The following SMURF1 variants were observed in gnomAD, a reference collection of about 807,000 sequenced individuals.
SMURF1 encodes the protein E3 ubiquitin-protein ligase SMURF1.
Under a neutral mutation model 98.0 loss-of-function variants are expected in SMURF1, and 44 were observed. The observed-to-expected ratio is 0.45, with a 90% CI of 0.35 to 0.58. SMURF1 has a LOEUF of 0.58. Ranked by LOEUF, SMURF1 falls within the 20% of genes least tolerant of loss-of-function variation. The pLI, the probability that SMURF1 is intolerant of heterozygous loss-of-function variation, is 0.00. For synonymous variants in SMURF1, 396 were observed against 374.9 expected (o/e 1.06, Z -0.65); for missense variants, 687 against 938.4 (o/e 0.73, Z 3.50).
intron 9 of SMURF1, 177 bp downstream of exon 9, chr7:99,049,386 T>TGAAGCCC: frequency 1.5e-6 from 1 of 675,072 alleles, no homozygotes; most frequent in South Asian, 1.9e-5. Context: ...TTCAGTGCTC[T>TGAAGCCC]TCACAGCTAA....
At chr7:99,063,261 A>ATGATT (rs1796095545) in intron 1 of SMURF1, among the ~76,000 whole-genome samples, 9 of 6,946 alleles carry the variant, frequency 1.3e-3, no homozygotes, top group African/African-American at 3.2e-3. Context: ...ATATATATAT[A>ATGATT]TATATATATA....
At chr7:99,043,238 A>G (rs1256455045) in intron 11 of SMURF1, among the ~76,000 whole-genome samples, 1 of 152,226 alleles carries the variant, frequency 6.6e-6, no homozygotes, top group Non-Finnish European at 1.5e-5. Context: ...CAGGCCAAAA[A>G]GAGAGGCTAC....
chr7:99,122,276 C>T lies in SMURF1; in HGVS notation c.55+21450G>A, dbSNP rs188145074. On this transcript the variant is annotated intron_variant, in intron 1 of 17. Coordinates refer to ENST00000361368, the MANE Select transcript of SMURF1 (RefSeq NM_181349.3). ...CCGGGAGGCAGAGGTTGCAGTAAGC[C>T]GAGATCGGGCCACCGCACTCCAGCC... Among the ~76,000 whole-genome samples, 345 of 149,248 alleles carry T rather than the reference C, an allele frequency of 2.3e-3. 1 individual carries two copies. The highest frequency in any genetic ancestry group is 0.011 in the Middle Eastern group (3 of 278).
chr7:99,068,124 A>C (rs952875117), intron 1 of SMURF1, among the ~76,000 whole-genome samples: 1 of 152,174 alleles, frequency 6.6e-6, no homozygotes, highest in African/African-American at 2.4e-5. Flanking sequence ...TCTTCTTCTT[A>C]TATTTCTGTG....
chr7:99,115,936 T>C (rs1462628820), intron 1 of SMURF1, among the ~76,000 whole-genome samples: 2 of 152,038 alleles, frequency 1.3e-5, no homozygotes, highest in East Asian at 1.9e-4. Flanking sequence ...AGAGGAGCCA[T>C]TTCCTAACTC....
chr7:99,137,509 G>A (rs527945017), intron 1 of SMURF1, among the ~76,000 whole-genome samples: 5 of 152,270 alleles, frequency 3.3e-5, no homozygotes, highest in East Asian at 1.9e-4. Context: ...TACAAAGAAC[G>A]CAGGCTGCCA....
chr7:99,130,761 C>G (rs567464987), intron 1 of SMURF1, among the ~76,000 whole-genome samples: 1 of 152,288 alleles, frequency 6.6e-6, no homozygotes, highest in Admixed American at 6.5e-5. Context: ...TGATTGCCCA[C>G]CTGGCATCCA....
intron 1 of SMURF1, among the ~76,000 whole-genome samples, chr7:99,065,440 C>A (rs1029141547): frequency 1.3e-5 from 2 of 152,102 alleles, no homozygotes; most frequent in African/African-American, 4.8e-5. Context: ...TGGGTGGATT[C>A]TTCGGGTATT....
chr7:99,131,129 T>C (rs1345367510), intron 1 of SMURF1, among the ~76,000 whole-genome samples: 1 of 152,176 alleles, frequency 6.6e-6, no homozygotes, highest in African/African-American at 2.4e-5. Flanking sequence ...GCTTTGCCAT[T>C]GGAATGACTT....
At chr7:99,037,604 A>ATCTC (rs1396736992) in intron 14 of SMURF1, among the ~76,000 whole-genome samples, 3 of 152,192 alleles carry the variant, frequency 2.0e-5, no homozygotes, top group Non-Finnish European at 4.4e-5. Flanking sequence ...CACTCCCCGG[A>ATCTC]TCTCTCCAAG....
At chr7:99,084,873 A>C (rs1484233399) in intron 1 of SMURF1, among the ~76,000 whole-genome samples, 3 of 152,110 alleles carry the variant, frequency 2.0e-5, no homozygotes, top group Non-Finnish European at 4.4e-5. Flanking sequence ...AGGTGATTCG[A>C]TCATGGGGGT....
intron 5 of SMURF1, among the ~76,000 whole-genome samples, chr7:99,055,376 G>A (rs1043356123): frequency 6.6e-6 from 1 of 151,986 alleles, no homozygotes; most frequent in African/African-American, 2.4e-5. Flanking sequence ...GCTGAGGCAG[G>A]AGAATTGCTT....
chr7:99,045,495 C>T, intron 11 of SMURF1: 1 of 527,820 alleles, frequency 1.9e-6, no homozygotes, highest in Non-Finnish European at 3.4e-6. Context: ...TAGGTTATGG[C>T]AAGAGGCTGG....
chr7:99,130,810 G>A lies in SMURF1; in HGVS notation c.55+12916C>T, dbSNP rs556088665. On this transcript the variant is annotated intron_variant, in intron 1 of 17. Transcript: ENST00000361368. ...CCAAACAACCCAAGTCTGTATTGTGGGTGGGACTAACCCCCTGATTAGATT... is the reference window on the plus strand; with the variant it reads ...CCAAACAACCCAAGTCTGTATTGTGAGTGGGACTAACCCCCTGATTAGATT... Among the ~76,000 whole-genome samples the A allele has an allele frequency of 2.0e-5, 3 of 152,208 alleles. No individual in the cohort carries two copies. In the East Asian group the frequency reaches 5.8e-4, roughly 29 times the overall value.
intron 5 of SMURF1, among the ~76,000 whole-genome samples, chr7:99,056,774 G>A (rs1795885091): frequency 6.6e-6 from 1 of 152,056 alleles, no homozygotes; most frequent in South Asian, 2.1e-4. Context: ...AGGCCAAGGC[G>A]GGCAGATCAC....
intron 1 of SMURF1, among the ~76,000 whole-genome samples, chr7:99,073,405 A>C (rs7810735): frequency 1.4e-5 from 2 of 147,320 alleles, no homozygotes; most frequent in East Asian, 2.0e-4. Context: ...AAAATTTGTC[A>C]CAACATTAAA....
At chr7:99,062,341 A>G (rs2150544047) in intron 1 of SMURF1, among the ~76,000 whole-genome samples, 1 of 152,296 alleles carries the variant, frequency 6.6e-6, no homozygotes, top group East Asian at 1.9e-4. Context: ...TGATCACATA[A>G]AAACCAACTC....
intron 1 of SMURF1, among the ~76,000 whole-genome samples, chr7:99,064,976 GT>G (rs1481651401): frequency 6.6e-6 from 1 of 151,992 alleles, no homozygotes; most frequent in Admixed American, 6.6e-5. Context: ...TTTTGAGCAA[GT>G]TTTTAAAAAA....
chr7:99,134,131 G>T (rs553504375), intron 1 of SMURF1, among the ~76,000 whole-genome samples: 1 of 142,284 alleles, frequency 7.0e-6, no homozygotes, highest in Non-Finnish European at 1.5e-5. Flanking sequence ...ACAGGGTCTC[G>T]CTCTGTAAGG....
Sources: gnomAD v4.1 joint callset for allele counts (sites outside exome capture counted in the v4.1 genomes callset) on GRCh38, gnomAD v4.1.1 for gene constraint, MANE v1.5 for transcripts, NCBI Gene and HGNC (gene_info 2026-07-23, HGNC 2026-07-21) for gene names.